Variants in VAV2 observed in about 807,000 individuals in gnomAD.
VAV2 encodes guanine nucleotide exchange factor VAV2.
In VAV2, 67 loss-of-function variants were observed where a neutral mutation model predicts 132.5. The ratio of observed to expected loss-of-function variants is 0.51; its 90% CI spans 0.42 to 0.62. VAV2 has a LOEUF of 0.62. Among genes scored for constraint, VAV2 ranks in the 20% least tolerant of loss-of-function variants. VAV2 has a pLI of 0.00. For synonymous variants in VAV2, 492 were observed against 443.5 expected (o/e 1.11, Z -1.37); for missense variants, 938 against 1,153.6 (o/e 0.81, Z 2.71).
intron 22 of VAV2, 134 bp from the exon 23 acceptor site, chr9:133,777,597 C>G (rs1437080608): frequency 2.4e-6 from 2 of 850,408 alleles, no homozygotes; most frequent in Non-Finnish European, 1.8e-6. Flanking sequence ...CTTTCCCAAC[C>G]TCAGCTGACC....
At chr9:133,930,800 G>A (rs1488709476) in intron 2 of VAV2, among the ~76,000 whole-genome samples, 1 of 152,180 alleles carries the variant, frequency 6.6e-6, no homozygotes, top group East Asian at 1.9e-4. Context: ...CCGGCACTCA[G>A]GTGACCGGTG....
intron 15 of VAV2, 23 bp from the exon 16 acceptor site, chr9:133,787,283 G>A (rs1834265584): frequency 6.3e-7 from 1 of 1,578,168 alleles, no homozygotes. Flanking sequence ...GAGAGGAGAG[G>A]AAGGGGAAGA....
At chr9:133,951,083 T>A (rs73556522) in intron 1 of VAV2, among the ~76,000 whole-genome samples, 2,899 of 152,154 alleles carry the variant, frequency 0.019, 85 homozygotes, top group African/African-American at 0.066. Flanking sequence ...CTAAAAATAT[T>A]GAAGGAAAAA....
chr9:133,898,316 T>C (rs997718346), intron 2 of VAV2, among the ~76,000 whole-genome samples: 11 of 151,800 alleles, frequency 7.2e-5, no homozygotes, highest in African/African-American at 2.7e-4. Flanking sequence ...AGGGCGGATG[T>C]GGTGGTTCAC....
intron 1 of VAV2, among the ~76,000 whole-genome samples, chr9:133,975,005 G>A (rs560668105): frequency 2.0e-5 from 3 of 152,326 alleles, no homozygotes; most frequent in African/African-American, 4.8e-5. Flanking sequence ...AGAACCCAGC[G>A]TGCGTCATGG....
intron 1 of VAV2, among the ~76,000 whole-genome samples, chr9:133,950,888 G>T (rs781604344): frequency 1.3e-5 from 2 of 152,076 alleles, no homozygotes; most frequent in Non-Finnish European, 2.9e-5. Flanking sequence ...TCTCTGGAGC[G>T]CCCTATCTCC....
intron 2 of VAV2, among the ~76,000 whole-genome samples, chr9:133,929,165 C>CCT (rs1840586429): frequency 6.6e-6 from 1 of 152,158 alleles, no homozygotes; most frequent in African/African-American, 2.4e-5. Flanking sequence ...TGATCCTCGG[C>CCT]ATCACAACCT....
Position 133,869,449 on chromosome 9 carries a change from TA to T in VAV2, c.322-8018del, listed in dbSNP as rs375726025. Among the ~76,000 whole-genome samples the T allele has an allele frequency of 3.9e-3, 525 of 133,960 alleles. 2 individuals carry two copies. The highest frequency in any genetic ancestry group is 0.014 in the African/African-American group (447 of 32,632). 87.9% of individuals were successfully genotyped at this position (133,960 alleles called of 152,430 possible). ...AACAAAACTCTATCTCTACAAAAAA[TA>T]AAAAAAAAAAATAACCAGATGTGGT... On this transcript the variant is annotated intron_variant, in intron 2 of 29. Coordinates refer to ENST00000371850, the MANE Select transcript of VAV2 (RefSeq NM_001134398.2).
chr9:133,848,701 T>G (rs564981148), intron 3 of VAV2, among the ~76,000 whole-genome samples: 1 of 152,266 alleles, frequency 6.6e-6, no homozygotes, highest in South Asian at 2.1e-4. Context: ...CCGGGCATCT[T>G]TGGGGAAAGA....
intron 2 of VAV2, among the ~76,000 whole-genome samples, chr9:133,938,474 G>T (rs549227517): frequency 1.6e-3 from 238 of 149,304 alleles, no homozygotes; most frequent in South Asian, 3.7e-3. Flanking sequence ...GCACCTGCCA[G>T]CCTCAGGGTC....
In VAV2 at chr9:133,774,768, G is replaced by C. The variant is rs371334821; in HGVS notation, c.2135+167C>G. 4.5e-3 allele frequency among the ~76,000 whole-genome samples: 684 copies of C among 152,252 alleles called. 5 individuals carry two copies. The highest frequency in any genetic ancestry group is 0.016 in the African/African-American group (659 of 41,532). On this transcript the variant is annotated intron_variant, in intron 25 of 29. Coordinates refer to ENST00000371850, the MANE Select transcript of VAV2 (RefSeq NM_001134398.2). ...AGGCCCTGCCCAGCACACCTGTAGA[G>C]ACCCCCTGACCCCTCAGCACCGCTT...
At chr9:133,964,486 CAT>C (rs1842084475) in intron 1 of VAV2, among the ~76,000 whole-genome samples, 3 of 151,926 alleles carry the variant, frequency 2.0e-5, no homozygotes, top group Admixed American at 2.0e-4. Flanking sequence ...TAATGGATGT[CAT>C]ATATGTATAA....
intron 13 of VAV2, among the ~76,000 whole-genome samples, chr9:133,791,037 A>G (rs370610566): frequency 1.2e-4 from 19 of 152,272 alleles, no homozygotes; most frequent in Middle Eastern, 3.4e-3. Context: ...ACTGCTCCAC[A>G]TCCTGTAACG....
At chr9:133,799,399 C>T (rs1358868988) in intron 9 of VAV2, among the ~76,000 whole-genome samples, 1 of 152,206 alleles carries the variant, frequency 6.6e-6, no homozygotes, top group Admixed American at 6.5e-5. Flanking sequence ...CACAAGCCTG[C>T]AGGGACACCT....
Position 133,970,417 on chromosome 9 carries a change from C to T in VAV2, c.204+21658G>A, listed in dbSNP as rs149066332. On this transcript the variant is annotated intron_variant, in intron 1 of 29. Transcript: ENST00000371850. The stretch of plus-strand genomic sequence containing the variant: ...CCAGGGACCTTGGCCCACACGAGGC[C>T]ACCGAGGCTCACGGGACCTCACCAG... Among the ~76,000 whole-genome samples the T allele has an allele frequency of 1.8e-3, 270 of 152,350 alleles. 2 individuals are homozygous for T. The highest frequency in any genetic ancestry group is 6.1e-3 in the African/African-American group (253 of 41,584).
intron 2 of VAV2, among the ~76,000 whole-genome samples, chr9:133,931,453 G>A (rs949042360): frequency 5.3e-5 from 8 of 151,930 alleles, no homozygotes; most frequent in Non-Finnish European, 1.0e-4. Context: ...GGAGAAACAC[G>A]TCCTTCCCTC....
At chr9:133,953,968 C>A (rs1230937958) in intron 1 of VAV2, among the ~76,000 whole-genome samples, 2 of 152,206 alleles carry the variant, frequency 1.3e-5, no homozygotes, top group Non-Finnish European at 2.9e-5. Context: ...CTCCCACCAC[C>A]CCTTGCACAG....
chr9:133,982,764 A>G (rs1358061288), intron 1 of VAV2, among the ~76,000 whole-genome samples: 1 of 152,198 alleles, frequency 6.6e-6, no homozygotes, highest in Non-Finnish European at 1.5e-5. Flanking sequence ...ACGTTTTTAA[A>G]TGGTTGAGCA....
intron 19 of VAV2, among the ~76,000 whole-genome samples, chr9:133,782,037 C>A (rs1417653396): frequency 6.6e-6 from 1 of 151,930 alleles, no homozygotes; most frequent in Admixed American, 6.6e-5. Flanking sequence ...GTTTTTCTCT[C>A]CTCCTTTACA....
Sources: gnomAD v4.1 joint callset for allele counts (sites outside exome capture counted in the v4.1 genomes callset) on GRCh38, gnomAD v4.1.1 for gene constraint, MANE v1.5 for transcripts, NCBI Gene and HGNC (gene_info 2026-07-23, HGNC 2026-07-21) for gene names.